DPYD: variants seen among roughly 807,000 people sequenced by gnomAD.
DPYD encodes dihydropyrimidine dehydrogenase.
DPYD carries 109 observed loss-of-function variants against 116.2 expected under a neutral mutation model. The observed-to-expected ratio is 0.94, with a 90% CI of 0.80 to 1.10. The LOEUF is 1.10. Ranked by LOEUF, DPYD falls within the 50% of genes least tolerant of loss-of-function variation. DPYD has a pLI of 0.00. For missense variants in DPYD, 1,302 were observed against 1,254.5 expected (o/e 1.04, Z -0.57); for synonymous variants, 440 against 432.0 (o/e 1.02, Z -0.23).
At chr1:97,801,783 C>T (rs1667858352) in intron 3 of DPYD, among the ~76,000 whole-genome samples, 2 of 151,802 alleles carry the variant, frequency 1.3e-5, no homozygotes, top group Non-Finnish European at 2.9e-5. Context: ...GGTTTGCCTC[C>T]TCTCCCTTAT....
chr1:97,223,597 G>A (rs1267091759), intron 19 of DPYD, among the ~76,000 whole-genome samples: 1 of 151,948 alleles, frequency 6.6e-6, no homozygotes, highest in Non-Finnish European at 1.5e-5. Context: ...AAGTCATATA[G>A]TATGTATATT....
At chr1:97,497,095 G>T (rs1263090241) in intron 13 of DPYD, among the ~76,000 whole-genome samples, 2 of 151,772 alleles carry the variant, frequency 1.3e-5, no homozygotes, top group African/African-American at 4.8e-5. Context: ...TATCTAGAAT[G>T]ATAAAATTAC....
intron 18 of DPYD, among the ~76,000 whole-genome samples, chr1:97,292,586 T>C (rs1284556859): frequency 1.3e-5 from 2 of 152,136 alleles, no homozygotes; most frequent in Non-Finnish European, 2.9e-5. Flanking sequence ...GGTGGGGACA[T>C]GGCCAAACCA....
At chr1:97,646,928 G>A (rs530564319) in intron 8 of DPYD, among the ~76,000 whole-genome samples, 1 of 152,010 alleles carries the variant, frequency 6.6e-6, no homozygotes, top group Non-Finnish European at 1.5e-5. Flanking sequence ...GGTTGCTGTT[G>A]TTTCTTCCCC....
intron 3 of DPYD, chr1:97,797,373 C>T (rs1055112496): frequency 6.6e-6 from 1 of 152,140 alleles, no homozygotes; most frequent in African/African-American, 2.4e-5. Context: ...AGATCAGTTA[C>T]TCTGCTGTCT....
intron 4 of DPYD, among the ~76,000 whole-genome samples, chr1:97,727,465 C>G (rs1183015148): frequency 6.6e-6 from 1 of 151,380 alleles, no homozygotes; most frequent in African/African-American, 2.4e-5. Context: ...TAGAAGGGTT[C>G]CAGTATTAAG....
intron 14 of DPYD, among the ~76,000 whole-genome samples, chr1:97,433,003 T>C (rs1482865712): frequency 1.3e-5 from 2 of 152,124 alleles, no homozygotes; most frequent in East Asian, 1.9e-4. Context: ...CCTAGGTTTT[T>C]AGGTTGCTCG....
At chr1:97,811,369 A>T (rs1668342644) in intron 3 of DPYD, among the ~76,000 whole-genome samples, 1 of 152,088 alleles carries the variant, frequency 6.6e-6, no homozygotes, top group African/African-American at 2.4e-5. Context: ...AGAACTCAAT[A>T]AATATTTGAA....
At chr1:97,397,637 T>C (rs928342190) in intron 14 of DPYD, among the ~76,000 whole-genome samples, 9 of 152,240 alleles carry the variant, frequency 5.9e-5, no homozygotes, top group African/African-American at 2.2e-4. Flanking sequence ...TTTTTCATTA[T>C]GGCTTCTTTC....
chr1:97,345,026 A>G (rs571894765), intron 16 of DPYD, among the ~76,000 whole-genome samples: 2 of 152,062 alleles, frequency 1.3e-5, no homozygotes, highest in Non-Finnish European at 2.9e-5. Flanking sequence ...GATGAAAAAT[A>G]TAATATCTGT....
chr1:97,267,630 C>T (rs902625765), intron 18 of DPYD, among the ~76,000 whole-genome samples: 2 of 150,236 alleles, frequency 1.3e-5, no homozygotes, highest in African/African-American at 4.9e-5. Context: ...GAGGGTGGAG[C>T]TTTATGGCTT....
At chr1:97,558,275 T>G (rs2102123374) in intron 11 of DPYD, among the ~76,000 whole-genome samples, 1 of 152,314 alleles carries the variant, frequency 6.6e-6, no homozygotes, top group South Asian at 2.1e-4. Flanking sequence ...TTCAGATAAC[T>G]TATTTAAGTC....
chr1:97,795,335 T>C (rs1667511169), intron 3 of DPYD, among the ~76,000 whole-genome samples: 1 of 152,094 alleles, frequency 6.6e-6, no homozygotes, highest in East Asian at 1.9e-4. Flanking sequence ...CAAATTATTT[T>C]ATTCTATCAT....
intron 3 of DPYD, among the ~76,000 whole-genome samples, chr1:97,816,419 G>A (rs1232427755): frequency 6.6e-6 from 1 of 151,922 alleles, no homozygotes; most frequent in Non-Finnish European, 1.5e-5. Flanking sequence ...AATTCCATGG[G>A]TATAAAACTT....
chr1:97,352,141 T>C (rs1455807998), intron 16 of DPYD, among the ~76,000 whole-genome samples: 3 of 151,784 alleles, frequency 2.0e-5, no homozygotes, highest in Non-Finnish European at 4.4e-5. Flanking sequence ...TAACTCTAAA[T>C]AAAAAGAAGG....
intron 8 of DPYD, among the ~76,000 whole-genome samples, chr1:97,605,539 A>T (rs1013810): frequency 0.14 from 21,647 of 151,990 alleles, 1,816 homozygotes; most frequent in African/African-American, 0.22. Flanking sequence ...CCTCCCCAGC[A>T]ATGTGAAACT....
intron 7 of DPYD, among the ~76,000 whole-genome samples, chr1:97,686,755 T>C (rs967219759): frequency 1.3e-5 from 2 of 149,604 alleles, no homozygotes; most frequent in South Asian, 2.1e-4. Context: ...GATTTCATCA[T>C]GAAAACATCA....
rs1400237096 is a variant in DPYD at position 97,843,048 on chromosome 1, T to TAA, written c.151-14854_151-14853dup. Among the ~76,000 whole-genome samples, 7 of 152,192 alleles carry TAA rather than the reference T, an allele frequency of 4.6e-5. No homozygotes were observed. The East Asian group carries it at 1.3e-3, about 29-fold the overall frequency. ...ACCCTTCATCCTTAAAGACTGTTAT[T>TAA]AACTCCCCACTCTTCTAGTCTCAAG... On this transcript the variant is annotated intron_variant, in intron 2 of 22. Transcript: ENST00000370192.
At chr1:97,675,114 C>G (rs1660071008) in intron 8 of DPYD, among the ~76,000 whole-genome samples, 1 of 152,138 alleles carries the variant, frequency 6.6e-6, no homozygotes, top group Non-Finnish European at 1.5e-5. Flanking sequence ...AGCCAACACA[C>G]TTTGATATGT....
Sources: gnomAD v4.1 joint callset for allele counts (sites outside exome capture counted in the v4.1 genomes callset) on GRCh38, gnomAD v4.1.1 for gene constraint, MANE v1.5 for transcripts, NCBI Gene and HGNC (gene_info 2026-07-23, HGNC 2026-07-21) for gene names.